CDK19: variants seen among roughly 807,000 people sequenced by gnomAD.
The protein encoded by CDK19 is cyclin-dependent kinase 19.
CDK19 carries 20 observed loss-of-function variants against 68.3 expected under a neutral mutation model. The observed-to-expected ratio is 0.29, with a 90% CI of 0.21 to 0.43. The LOEUF is 0.43. Among genes scored for constraint, CDK19 ranks in the 20% least tolerant of loss-of-function variants. The pLI, the probability that CDK19 is intolerant of heterozygous loss-of-function variation, is 1.00. For synonymous variants in CDK19, 221 were observed against 222.8 expected (o/e 0.99, Z 0.07); for missense variants, 339 against 623.5 (o/e 0.54, Z 4.86).
intron 2 of CDK19, among the ~76,000 whole-genome samples, chr6:110,696,701 C>T (rs1773514127): frequency 6.6e-6 from 1 of 152,030 alleles, no homozygotes; most frequent in Admixed American, 6.6e-5. Flanking sequence ...GCAGGCGGAT[C>T]ACCTGAGGCC....
At chr6:110,753,049 C>T (rs1254860118) in intron 1 of CDK19, among the ~76,000 whole-genome samples, 1 of 152,052 alleles carries the variant, frequency 6.6e-6, no homozygotes, top group African/African-American at 2.4e-5. Context: ...CCACCTCAGC[C>T]TCCCAAGTAG....
intron 2 of CDK19, among the ~76,000 whole-genome samples, chr6:110,678,437 C>G (rs1771715496): frequency 6.6e-6 from 1 of 152,164 alleles, no homozygotes; most frequent in Non-Finnish European, 1.5e-5. Context: ...ATTCCCACTG[C>G]TCTTCCCTCG....
chr6:110,752,464 C>T (rs9481103), intron 1 of CDK19, among the ~76,000 whole-genome samples: 2,107 of 152,164 alleles, frequency 0.014, 52 homozygotes, highest in African/African-American at 0.048. Context: ...TAAGGTACTG[C>T]TATTATTTTG....
chr6:110,765,888 C>T (rs573697755), intron 1 of CDK19, among the ~76,000 whole-genome samples: 1 of 152,044 alleles, frequency 6.6e-6, no homozygotes, highest in South Asian at 2.1e-4. Context: ...ATGCAAAACC[C>T]CAATGATATA....
At chr6:110,805,272 C>A (rs1782604195) in intron 1 of CDK19, among the ~76,000 whole-genome samples, 1 of 152,028 alleles carries the variant, frequency 6.6e-6, no homozygotes, top group Non-Finnish European at 1.5e-5. Flanking sequence ...GCTAGTTGTT[C>A]ATCTTGTCCC....
Position 110,626,984 on chromosome 6 carries a change from A to T in CDK19, c.790+18T>A. 2 of 1,592,108 alleles carry T rather than the reference A, an allele frequency of 1.3e-6. No homozygotes were observed. Among genetic ancestry groups the T allele is most frequent in the Non-Finnish European group, 1.7e-6 (2 of 1,170,638 alleles). On this transcript the variant is annotated intron_variant, in intron 7 of 12. Transcript: ENST00000368911. ...AAATATGACTCAAAATATGACTTTAAAAAGGAAAATAAATTACCTGCAGGA... is the reference window on the plus strand; with the variant it reads ...AAATATGACTCAAAATATGACTTTATAAAGGAAAATAAATTACCTGCAGGA...
intron 2 of CDK19, among the ~76,000 whole-genome samples, chr6:110,721,265 TA>T (rs1444952082): frequency 6.6e-6 from 1 of 151,706 alleles, no homozygotes; most frequent in Non-Finnish European, 1.5e-5. Context: ...ATTAATTAAT[TA>T]ATTAATAAAA....
intron 1 of CDK19, among the ~76,000 whole-genome samples, chr6:110,769,283 G>A (rs1779823208): frequency 6.6e-6 from 1 of 150,874 alleles, no homozygotes; most frequent in Non-Finnish European, 1.5e-5. Flanking sequence ...AGGGAAAATT[G>A]GCCAGGCACC....
Position 110,614,500 on chromosome 6 carries a change from TCTGGG to T in CDK19, c.*30_*34del. 2 of 1,603,434 alleles carry T rather than the reference TCTGGG, an allele frequency of 1.2e-6. No individual in the cohort carries two copies. Among genetic ancestry groups the T allele is most frequent in the African/African-American group, 1.3e-5 (1 of 74,742 alleles). On this transcript the variant is annotated 3_prime_UTR_variant, in exon 13 of 13. Coordinates refer to ENST00000368911, the MANE Select transcript of CDK19 (RefSeq NM_015076.5). Reference sequence around the variant, plus strand: ...GCAGACATATTGCTGGAGCCTGTGCTCTGGGCTGGGCTGGCCTGGCCCAACGGGAG... The same window carrying T: ...GCAGACATATTGCTGGAGCCTGTGCTCTGGGCTGGCCTGGCCCAACGGGAG...
At chr6:110,691,639 A>T (rs923708971) in intron 2 of CDK19, among the ~76,000 whole-genome samples, 4 of 150,918 alleles carry the variant, frequency 2.7e-5, no homozygotes, top group Admixed American at 6.6e-5. Context: ...ATTTTATTTT[A>T]TTATTATTAT....
chr6:110,646,354 T>C, intron 4 of CDK19: 1 of 1,464,304 alleles, frequency 6.8e-7, no homozygotes. Flanking sequence ...TTCGAGTGCC[T>C]CTTCCATGTG....
chr6:110,728,551 T>C (rs901965252), intron 2 of CDK19, among the ~76,000 whole-genome samples: 3 of 151,090 alleles, frequency 2.0e-5, no homozygotes, highest in Admixed American at 1.3e-4. Flanking sequence ...CTCTCATCTA[T>C]TGATACCATA....
intron 2 of CDK19, among the ~76,000 whole-genome samples, chr6:110,731,493 T>C (rs1776756188): frequency 6.6e-6 from 1 of 152,198 alleles, no homozygotes; most frequent in African/African-American, 2.4e-5. Context: ...CTTTGTGGGA[T>C]GATGAAAATG....
chr6:110,642,331 G>C (rs1323420057), intron 4 of CDK19, among the ~76,000 whole-genome samples: 2 of 148,126 alleles, frequency 1.4e-5, no homozygotes, highest in Non-Finnish European at 3.0e-5. Flanking sequence ...AAAAAAAAAG[G>C]GTTCAAGACT....
At chr6:110,682,806 C>T (rs1466086913) in intron 2 of CDK19, among the ~76,000 whole-genome samples, 1 of 152,022 alleles carries the variant, frequency 6.6e-6, no homozygotes, top group Non-Finnish European at 1.5e-5. Context: ...TTCTGAATCT[C>T]ATAGAAGAAT....
At chr6:110,790,859 C>T (rs1781542963) in intron 1 of CDK19, among the ~76,000 whole-genome samples, 1 of 152,074 alleles carries the variant, frequency 6.6e-6, no homozygotes, top group East Asian at 1.9e-4. Context: ...TACATGTATA[C>T]AGACTATAGT....
intron 2 of CDK19, among the ~76,000 whole-genome samples, chr6:110,704,676 C>A (rs1190804704): frequency 6.6e-6 from 1 of 152,132 alleles, no homozygotes; most frequent in African/African-American, 2.4e-5. Flanking sequence ...ATCAACAAAT[C>A]TTTTTAGTTA....
At position 110,632,103 on chromosome 6, in the gene CDK19, A is replaced by G. The variant is rs1779474389; in HGVS notation, c.573T>C (p.Asp191=). ...NSPLKPLADL[D]PVVVTFWYRA... ...GATACCAAAATGTCACAACTACTGGATCCAAATCTGCTAGTGGCTTTAGAG... is the reference window on the plus strand; with the variant it reads ...GATACCAAAATGTCACAACTACTGGGTCCAAATCTGCTAGTGGCTTTAGAG... The change falls in exon 6 of 13, where the codon GAT becomes GAC. Residue 191 remains aspartate (D), a synonymous_variant. Coordinates refer to ENST00000368911, the MANE Select transcript of CDK19 (RefSeq NM_015076.5). 1.2e-6 allele frequency: 2 copies of G among 1,613,942 alleles called. No individual in the cohort carries two copies. The highest frequency in any genetic ancestry group is 2.7e-5 in the African/African-American group (2 of 74,930).
chr6:110,746,047 T>C (rs1051889158), intron 2 of CDK19, 79 bp downstream of exon 2: 3 of 646,692 alleles, frequency 4.6e-6, no homozygotes, highest in South Asian at 4.8e-5. Flanking sequence ...ATTATATATA[T>C]TAATGAAACT....
Sources: allele counts gnomAD v4.1 joint callset (sites outside exome capture counted in the v4.1 genomes callset), GRCh38; gene constraint gnomAD v4.1.1; transcripts MANE v1.5; gene names NCBI Gene and HGNC (gene_info 2026-07-23, HGNC 2026-07-21).